MAF: variants seen among roughly 807,000 people sequenced by gnomAD.
MAF encodes the protein transcription factor Maf.
A neutral mutation model predicts 22.0 loss-of-function variants in MAF; 10 were observed. That is an observed-to-expected ratio of 0.45 (90% CI 0.28 to 0.77). The LOEUF (loss-of-function observed/expected upper bound fraction) is 0.77, where lower values mean the gene tolerates loss of function less well. Ranked by LOEUF, MAF falls within the 30% of genes least tolerant of loss-of-function variation. MAF has a pLI of 0.12. For missense variants in MAF, 544 were observed against 548.4 expected (o/e 0.99, Z 0.08); for synonymous variants, 337 against 255.8 (o/e 1.32, Z -3.03).
At chr16:79,232,990 G>A in the MAF span, among the ~76,000 whole-genome samples, 4 of 151,632 alleles carry the variant, frequency 2.6e-5, no homozygotes, top group South Asian at 2.1e-4. Flanking sequence ...ACGGGCGCCC[G>A]CCTCCATGCA....
chr16:79,387,554 G>A, the MAF span, among the ~76,000 whole-genome samples: 1 of 152,054 alleles, frequency 6.6e-6, no homozygotes, highest in African/African-American at 2.4e-5. Flanking sequence ...AGGCAATGGC[G>A]ACCAGTGCAC....
the MAF span, among the ~76,000 whole-genome samples, chr16:79,402,022 C>T: frequency 3.3e-5 from 5 of 152,172 alleles, no homozygotes; most frequent in South Asian, 4.1e-4. Flanking sequence ...CCCAAAGTCA[C>T]ACAGCTACTA....
chr16:79,356,490 A>G, the MAF span, among the ~76,000 whole-genome samples: 3 of 152,010 alleles, frequency 2.0e-5, no homozygotes, highest in African/African-American at 4.8e-5. Flanking sequence ...TGCCTTCCTC[A>G]CGTGCCTTCC....
chr16:79,231,396 A>G, the MAF span, among the ~76,000 whole-genome samples: 1 of 152,112 alleles, frequency 6.6e-6, no homozygotes, highest in African/African-American at 2.4e-5. Context: ...AAGAAGGCCT[A>G]TCAAGGATGT....
chr16:79,350,900 T>TGC, the MAF span, among the ~76,000 whole-genome samples: 7 of 145,510 alleles, frequency 4.8e-5, no homozygotes, highest in African/African-American at 1.5e-4. Flanking sequence ...TGTGTGTGTG[T>TGC]GTGCGTGTGA....
the MAF span, among the ~76,000 whole-genome samples, chr16:79,332,356 A>G: frequency 6.6e-6 from 1 of 152,056 alleles, no homozygotes; most frequent in East Asian, 1.9e-4. Flanking sequence ...CCTGGTGTGC[A>G]GTGGCGCTGT....
Position 79,600,047 on chromosome 16 carries a change from A to C in MAF, c.-145T>G. 8.7e-7 allele frequency: 1 copy of C among 1,143,956 alleles called. No homozygotes were observed. The highest frequency in any genetic ancestry group is 1.2e-6 in the Non-Finnish European group (1 of 811,000). The allele number at this position is 1,143,956 out of a possible 1,614,324, so 70.9% of individuals were successfully genotyped here. ...GCTTGCGCGGCGGTGGCTGGCCCGAAACCTCCGAGCGCGCTCACACACACA... is the reference window on the plus strand; with the variant it reads ...GCTTGCGCGGCGGTGGCTGGCCCGACACCTCCGAGCGCGCTCACACACACA... On this transcript the variant is annotated 5_prime_UTR_variant, in exon 1 of 2. Coordinates refer to ENST00000326043, the MANE Select transcript of MAF (RefSeq NM_005360.5).
chr16:79,587,899 C>A (rs1264851918), intron 1 of MAF, among the ~76,000 whole-genome samples: 1 of 150,666 alleles, frequency 6.6e-6, no homozygotes, highest in Non-Finnish European at 1.5e-5. Flanking sequence ...TATTTGCACA[C>A]CTGAATAGCG....
chr16:79,552,124 AC>A, the MAF span, among the ~76,000 whole-genome samples: 20 of 151,930 alleles, frequency 1.3e-4, no homozygotes, highest in Non-Finnish European at 2.8e-4. Context: ...ATTCTGTGGC[AC>A]CCTTCTCTCA....
At chr16:79,482,065 G>T in the MAF span, among the ~76,000 whole-genome samples, 1 of 152,128 alleles carries the variant, frequency 6.6e-6, no homozygotes, top group Non-Finnish European at 1.5e-5. Flanking sequence ...GGGCAGGCAA[G>T]AAAAGAAAAA....
At chr16:79,512,369 T>C in the MAF span, among the ~76,000 whole-genome samples, 1 of 152,136 alleles carries the variant, frequency 6.6e-6, no homozygotes, top group Non-Finnish European at 1.5e-5. Context: ...AAAATGAACC[T>C]TCCAGCTTTG....
At chr16:79,343,367 G>A in the MAF span, among the ~76,000 whole-genome samples, 1 of 152,052 alleles carries the variant, frequency 6.6e-6, no homozygotes, top group Non-Finnish European at 1.5e-5. Flanking sequence ...GACTGTGAAT[G>A]ACCTCTTCAG....
At chr16:79,284,314 G>C in the MAF span, among the ~76,000 whole-genome samples, 1 of 152,170 alleles carries the variant, frequency 6.6e-6, no homozygotes, top group African/African-American at 2.4e-5. Context: ...GCAAGAAAAG[G>C]TGAAGGACGG....
At chr16:79,221,695 A>G in the MAF span, among the ~76,000 whole-genome samples, 2 of 152,056 alleles carry the variant, frequency 1.3e-5, no homozygotes, top group Non-Finnish European at 2.9e-5. Flanking sequence ...GTACATGTGC[A>G]TGAGTGTATG....
chr16:79,211,549 C>T, the MAF span: 8,714 of 1,608,702 alleles, frequency 5.4e-3, 84 homozygotes, highest in Admixed American at 0.04. Context: ...GTCGAAATGA[C>T]GCCATCTCAT....
chr16:79,220,151 G>C, the MAF span, among the ~76,000 whole-genome samples: 648 of 151,238 alleles, frequency 4.3e-3, 4 homozygotes, highest in African/African-American at 0.015. Flanking sequence ...AGTTACTCGG[G>C]AGGCTGAGGC....
the MAF span, among the ~76,000 whole-genome samples, chr16:79,512,633 G>C: frequency 6.6e-6 from 1 of 152,174 alleles, no homozygotes; most frequent in Non-Finnish European, 1.5e-5. Context: ...GAAGGTGAGG[G>C]TGTGCCGTTT....
the MAF span, among the ~76,000 whole-genome samples, chr16:79,494,514 T>C: frequency 1.3e-5 from 2 of 152,146 alleles, no homozygotes; most frequent in Non-Finnish European, 2.9e-5. Flanking sequence ...TAAAGACTCA[T>C]GTGATCCGAT....
the MAF span, among the ~76,000 whole-genome samples, chr16:79,495,167 T>A: frequency 6.6e-6 from 1 of 152,066 alleles, no homozygotes; most frequent in Non-Finnish European, 1.5e-5. Context: ...GGTGATAGAA[T>A]AGCAAAAGAT....
Sources: gnomAD v4.1 joint callset for allele counts (sites outside exome capture counted in the v4.1 genomes callset) on GRCh38, gnomAD v4.1.1 for gene constraint, MANE v1.5 for transcripts, NCBI Gene and HGNC (gene_info 2026-07-23, HGNC 2026-07-21) for gene names.